KIF1A: variants seen among roughly 807,000 people sequenced by gnomAD.
KIF1A encodes kinesin-like protein KIF1A.
Under a neutral mutation model 227.3 loss-of-function variants are expected in KIF1A, and 46 were observed. The ratio of observed to expected loss-of-function variants is 0.20; its 90% CI spans 0.16 to 0.26. KIF1A has a LOEUF of 0.26. KIF1A is among the 10% of genes least tolerant of loss of function. The probability of loss-of-function intolerance (pLI) is 1.00; values close to 1 mark genes in which losing one functional copy is unlikely to be tolerated. For synonymous variants in KIF1A, 1,022 were observed against 1,012.8 expected, an observed-to-expected ratio of 1.01 and a Z score of -0.17; for missense variants, 1,683 against 2,485.9, an observed-to-expected ratio of 0.68 and a Z score of 6.87.
chr2:240,751,316 C>G (rs191449265), intron 27 of KIF1A, among the ~76,000 whole-genome samples: 23 of 152,294 alleles, frequency 1.5e-4, no homozygotes, highest in African/African-American at 3.9e-4. Context: ...CGGAAGGATA[C>G]CCTGCTTCCT....
rs1159263476 is a variant in KIF1A, at chr2:240,778,035, AGCTCACCACACAGTTCCTCAGCTCCTCCC to A, written c.883-2138_883-2110del. 2.0e-5 allele frequency among the ~76,000 whole-genome samples: 3 copies of A among 152,016 alleles called. No individual in the cohort carries two copies. The highest frequency in any genetic ancestry group is 7.2e-5 in the African/African-American group (3 of 41,384). Reference sequence around the variant, plus strand: ...GCACGGTTCCCACGCGGCTGCTCGCAGCTCACCACACAGTTCCTCAGCTCCTCCCGCTCCCCACGCACTTCCTCGCGTTT... The same window carrying A: ...GCACGGTTCCCACGCGGCTGCTCGCAGCTCCCCACGCACTTCCTCGCGTTT... On this transcript the variant is annotated intron_variant, in intron 10 of 48. Transcript: ENST00000498729. This position sits in a 1 kb window ranked among gnomAD's most constrained non-coding sequence, Gnocchi z 7.2.
Position 240,790,904 on chromosome 2 carries a change from A to G in KIF1A, c.107-1592T>C, listed in dbSNP as rs2055581805. Among the ~76,000 whole-genome samples the G allele has an allele frequency of 6.6e-6, 1 of 152,104 alleles. No individual in the cohort carries two copies. Among genetic ancestry groups the G allele is most frequent in the Non-Finnish European group, 1.5e-5 (1 of 68,014 alleles). ...GGCCTCCAGAATCACGAGACAGCAC[A>G]CTTCTGTTTGCGGTGCTTCCTTATG... is the stretch of plus-strand genomic sequence containing the variant. On this transcript the variant is annotated intron_variant, in intron 2 of 48. Transcript: ENST00000498729. This position sits in a 1 kb window ranked among gnomAD's most constrained non-coding sequence, Gnocchi z 5.0.
intron 32 of KIF1A, among the ~76,000 whole-genome samples, chr2:240,744,706 G>A (rs1213168781): frequency 6.6e-5 from 10 of 152,252 alleles, no homozygotes; most frequent in East Asian, 3.9e-4. Flanking sequence ...CCCTCATCCC[G>A]GGCTTCCAGC....
Position 240,788,034 on chromosome 2 carries a change from C to CCCCCCCCCCCTCGGGGCGGGG in KIF1A, c.363+16_363+17insCCCCGCCCCGAGGGGGGGGGG. On this transcript the variant is annotated intron_variant, in intron 4 of 48. Transcript: ENST00000498729. This position sits in a 1 kb window ranked among gnomAD's most constrained non-coding sequence, Gnocchi z 6.6. ...CCCATCTGCCAGGGCTGCCCCCGCC[C>CCCCCCCCCCCTCGGGGCGGGG]GCCCCCCGCTTCGTGCCTGTGGGAT... 1 of 1,449,064 alleles carries CCCCCCCCCCCTCGGGGCGGGG rather than the reference C, an allele frequency of 6.9e-7. No individual in the cohort carries two copies. Among genetic ancestry groups the CCCCCCCCCCCTCGGGGCGGGG allele is most frequent in the Non-Finnish European group, 9.4e-7 (1 of 1,059,102 alleles). 89.8% of individuals were successfully genotyped at this position (1,449,064 alleles called of 1,614,324 possible).
intron 24 of KIF1A, 105 bp from the exon 25 acceptor site, chr2:240,760,948 C>T (rs369035200): frequency 5.2e-6 from 6 of 1,143,380 alleles, no homozygotes; most frequent in East Asian, 2.7e-5. Flanking sequence ...CTGCCTGCCC[C>T]ACAATGGTTC....
At chr2:240,733,873 G>T (rs923949599) in intron 38 of KIF1A, among the ~76,000 whole-genome samples, 1 of 152,246 alleles carries the variant, frequency 6.6e-6, no homozygotes, top group Non-Finnish European at 1.5e-5. Flanking sequence ...CCAGGAGCAG[G>T]CAGCCTTGAT....
chr2:240,721,930 C>G (rs1256844287), intron 43 of KIF1A, 46 bp from the exon 44 acceptor site: 3 of 1,511,728 alleles, frequency 2.0e-6, no homozygotes, highest in Non-Finnish European at 2.7e-6. Flanking sequence ...CCTCCCGGGA[C>G]CCTGCTCAGA....
At chr2:240,798,099 C>G in intron 1 of KIF1A, 1 of 224,874 alleles carries the variant, frequency 4.4e-6, no homozygotes, top group South Asian at 8.7e-5. Flanking sequence ...GGCCTTCACA[C>G]CCACGGCAAA....
At chr2:240,783,248 C>T (rs573480523) in intron 8 of KIF1A, 139 bp from the exon 9 acceptor site, 43 of 736,852 alleles carry the variant, frequency 5.8e-5, no homozygotes, top group Admixed American at 1.2e-4. Context: ...GCCACTTGGG[C>T]GTGGGGTGCC....
chr2:240,743,879 G>A, intron 33 of KIF1A, 63 bp downstream of exon 33: 2 of 1,115,358 alleles, frequency 1.8e-6, no homozygotes, highest in Non-Finnish European at 2.7e-6. Flanking sequence ...ACAGCTGGAT[G>A]AAAAGATCTG....
Position 240,764,387 on chromosome 2 carries a change from G to A in KIF1A, c.1769-1041C>T, listed in dbSNP as rs145814417. Among the ~76,000 whole-genome samples, 729 of 152,250 alleles carry A rather than the reference G, an allele frequency of 4.8e-3. 3 individuals are homozygous for A. The highest frequency in any genetic ancestry group is 8.0e-3 in the Non-Finnish European group (545 of 68,018). On this transcript the variant is annotated intron_variant, in intron 20 of 48. Coordinates refer to ENST00000498729, the MANE Select transcript of KIF1A (RefSeq NM_001244008.2). Reference sequence around the variant, plus strand: ...AATGGGCACAGCTGTCTCTCTGTCCGTCTGACCAGCTGTCGCCCAGGCTTA... The same window carrying A: ...AATGGGCACAGCTGTCTCTCTGTCCATCTGACCAGCTGTCGCCCAGGCTTA...
At chr2:240,749,645 G>A (rs568811795) in intron 28 of KIF1A, among the ~76,000 whole-genome samples, 199 of 152,354 alleles carry the variant, frequency 1.3e-3, no homozygotes, top group African/African-American at 4.2e-3. Flanking sequence ...GCAGCCAAGC[G>A]CTCTCACATC....
At chr2:240,779,791 T>C (rs774220680) in intron 10 of KIF1A, among the ~76,000 whole-genome samples, 2 of 152,178 alleles carry the variant, frequency 1.3e-5, no homozygotes, top group African/African-American at 2.4e-5. Flanking sequence ...CCACACTGGC[T>C]GACACGCTTC....
In KIF1A at chr2:240,792,329, C is replaced by A. The variant is rs1216100506; in HGVS notation, c.107-3017G>T. On this transcript the variant is annotated intron_variant, in intron 2 of 48. Transcript: ENST00000498729. This position sits in a 1 kb window ranked among gnomAD's most constrained non-coding sequence, Gnocchi z 4.5. The stretch of plus-strand genomic sequence containing the variant: ...GAGGAGGGAGGAGGGAGAAACAGGT[C>A]CTCCCAGGGCCTGCTGGGCTGGGCT... 6.6e-6 allele frequency among the ~76,000 whole-genome samples: 1 copy of A among 151,762 alleles called. No homozygotes were observed. The highest frequency in any genetic ancestry group is 1.5e-5 in the Non-Finnish European group (1 of 67,904).
chr2:240,757,678 C>A lies in KIF1A; in HGVS notation c.2583-84G>T. On this transcript the variant is annotated intron_variant, in intron 26 of 48. Transcript: ENST00000498729. The surrounding 1 kb of genome is among the most constrained non-coding windows in gnomAD (Gnocchi z 6.2). ...AGGGGCCGGGGCCGGGGCTGGGGGGCTTCTGTTTAAAACCAAAACCAAACA... is the reference window on the plus strand; with the variant it reads ...AGGGGCCGGGGCCGGGGCTGGGGGGATTCTGTTTAAAACCAAAACCAAACA... 1.4e-6 allele frequency: 2 copies of A among 1,421,224 alleles called. No homozygotes were observed. The highest frequency in any genetic ancestry group is 1.9e-6 in the Non-Finnish European group (2 of 1,057,810). 88.0% of individuals were successfully genotyped at this position (1,421,224 alleles called of 1,614,324 possible).
At chr2:240,754,433 C>G (rs2049595243) in intron 27 of KIF1A, among the ~76,000 whole-genome samples, 1 of 152,246 alleles carries the variant, frequency 6.6e-6, no homozygotes, top group Admixed American at 6.5e-5. Context: ...CTCTAGGGCC[C>G]TGAATCCACT....
At position 240,714,620 on chromosome 2, in the gene KIF1A, C is replaced by T. The variant is rs2044446932; in HGVS notation, c.*2744G>A. On this transcript the variant is annotated 3_prime_UTR_variant, in exon 49 of 49. Transcript: ENST00000498729. The stretch of plus-strand genomic sequence containing the variant: ...CCCCATGAGCACCTCCACACCAGCC[C>T]TCCACCTCACAGATGTGGAAACCGA... 1 of 152,320 alleles carries T rather than the reference C, an allele frequency of 6.6e-6. No individual in the cohort carries two copies. Among genetic ancestry groups the T allele is most frequent in the South Asian group, 2.1e-4 (1 of 4,826 alleles). The allele number at this position is 152,320 out of a possible 1,614,324, so 9.4% of individuals were successfully genotyped here.
chr2:240,749,903 C>T (rs2049019269), intron 28 of KIF1A, among the ~76,000 whole-genome samples: 1 of 152,234 alleles, frequency 6.6e-6, no homozygotes, highest in African/African-American at 2.4e-5. Flanking sequence ...CCAGAAGCAC[C>T]CCAGGGAGGG....
intron 5 of KIF1A, 129 bp downstream of exon 5, chr2:240,787,122 T>C: frequency 1.3e-6 from 1 of 757,752 alleles, no homozygotes; most frequent in Non-Finnish European, 2.3e-6. Flanking sequence ...GCCTGCCACT[T>C]GGATGAGTGA....
Sources: allele counts gnomAD v4.1 joint callset (sites outside exome capture counted in the v4.1 genomes callset), GRCh38; gene constraint gnomAD v4.1.1; non-coding constraint Gnocchi (gnomAD v3.1); transcripts MANE v1.5; gene names NCBI Gene and HGNC (gene_info 2026-07-23, HGNC 2026-07-21).